Variants in NCAPG2 observed in about 807,000 individuals in gnomAD.
NCAPG2 encodes condensin-2 complex subunit G2.
Under a neutral mutation model 141.1 loss-of-function variants are expected in NCAPG2, and 53 were observed. The observed-to-expected ratio is 0.38, with a 90% CI of 0.30 to 0.47. NCAPG2 has a LOEUF of 0.47. Ranked by LOEUF, NCAPG2 falls within the 20% of genes least tolerant of loss-of-function variation. NCAPG2 has a pLI of 0.99. For synonymous variants in NCAPG2, 499 were observed against 490.7 expected (o/e 1.02, Z -0.22); for missense variants, 1,087 against 1,389.0 (o/e 0.78, Z 3.46).
At chr7:158,643,555 C>T (rs1240195858) in intron 27 of NCAPG2, among the ~76,000 whole-genome samples, 6 of 152,246 alleles carry the variant, frequency 3.9e-5, no homozygotes, top group Admixed American at 6.5e-5. Flanking sequence ...TAAAAAGCCA[C>T]GCTTTGGAAG....
intron 8 of NCAPG2, among the ~76,000 whole-genome samples, 180 bp downstream of exon 8, chr7:158,685,992 C>T (rs1407741797): frequency 6.6e-6 from 1 of 152,188 alleles, no homozygotes; most frequent in Non-Finnish European, 1.5e-5. Context: ...CACAGTCCTA[C>T]CTCCCACAAA....
intron 21 of NCAPG2, 80 bp downstream of exon 21, chr7:158,655,038 C>A: frequency 1.4e-6 from 2 of 1,454,464 alleles, no homozygotes; most frequent in Non-Finnish European, 9.2e-7. Context: ...CTAAAATTAC[C>A]ACTCTAAAGT....
intron 5 of NCAPG2, among the ~76,000 whole-genome samples, chr7:158,690,167 T>C (rs1455016804): frequency 6.6e-6 from 1 of 152,166 alleles, no homozygotes; most frequent in Non-Finnish European, 1.5e-5. Context: ...TAATTAAAAA[T>C]CCAGCAAGTT....
chr7:158,646,753 C>T (rs374684883), intron 24 of NCAPG2, among the ~76,000 whole-genome samples, 190 bp from the exon 25 acceptor site: 2 of 152,110 alleles, frequency 1.3e-5, no homozygotes, highest in East Asian at 1.9e-4. Flanking sequence ...GTGTGTTGGG[C>T]GTGGTGGTTC....
chr7:158,704,097 A>G (rs1835990805), intron 1 of NCAPG2, among the ~76,000 whole-genome samples: 1 of 145,580 alleles, frequency 6.9e-6, no homozygotes, highest in Non-Finnish European at 1.5e-5. Context: ...CTCTGAGGGT[A>G]GTGCCCATGC....
At chr7:158,642,681 A>C (rs1189172796) in intron 27 of NCAPG2, among the ~76,000 whole-genome samples, 1 of 152,200 alleles carries the variant, frequency 6.6e-6, no homozygotes, top group Non-Finnish European at 1.5e-5. Flanking sequence ...AAAATCTAAA[A>C]TCAATCATCT....
chr7:158,701,553 T>C (rs1311920236), intron 2 of NCAPG2, among the ~76,000 whole-genome samples: 1 of 152,224 alleles, frequency 6.6e-6, no homozygotes, highest in Non-Finnish European at 1.5e-5. Flanking sequence ...AAACCTTCTC[T>C]AGTCTTCAGA....
intron 12 of NCAPG2, among the ~76,000 whole-genome samples, chr7:158,673,801 C>T (rs1014231689): frequency 1.3e-5 from 2 of 152,182 alleles, no homozygotes; most frequent in Admixed American, 6.5e-5. Context: ...TCAGCCAGCA[C>T]TTGAAGAGTA....
rs945928092 is a variant in NCAPG2 at position 158,660,401 on chromosome 7, C to CTTTTTTTTTTTTTTTTTTTTTTTTTT, written c.1989+1767_1989+1792dup. Among the ~76,000 whole-genome samples, 20 of 72,810 alleles carry CTTTTTTTTTTTTTTTTTTTTTTTTTT rather than the reference C, an allele frequency of 2.7e-4. 1 individual carries two copies. Among genetic ancestry groups the CTTTTTTTTTTTTTTTTTTTTTTTTTT allele is most frequent in the East Asian group, 6.6e-4 (1 of 1,524 alleles). 47.8% of individuals were successfully genotyped at this position (72,810 alleles called of 152,430 possible). A position where few individuals can be genotyped will look rare whatever the true frequency, so the allele number is the denominator to read the frequency against. ...AGTCCCAGGTCATTATTTCAGCTTTCTTTTTTTTTTTTTTTTTTTTTTTTT... is the reference window on the plus strand; with the variant it reads ...AGTCCCAGGTCATTATTTCAGCTTTCTTTTTTTTTTTTTTTTTTTTTTTTTTTTTTTTTTTTTTTTTTTTTTTTTTT... On this transcript the variant is annotated intron_variant, in intron 16 of 27. Coordinates refer to ENST00000356309, the MANE Select transcript of NCAPG2 (RefSeq NM_017760.7).
At chr7:158,665,350 C>T (rs1219322071) in intron 13 of NCAPG2, 1 of 152,502 alleles carries the variant, frequency 6.6e-6, no homozygotes, top group Admixed American at 6.5e-5. Flanking sequence ...TGATAGCGTC[C>T]CTCTTCTCAA....
At chr7:158,675,359 C>G in intron 12 of NCAPG2, 118 bp downstream of exon 12, 2 of 1,143,940 alleles carry the variant, frequency 1.7e-6, no homozygotes, top group Non-Finnish European at 2.4e-6. Context: ...TATGACAGGT[C>G]AAAAATGTTA....
chr7:158,640,404 T>C (rs2129456522), intron 27 of NCAPG2: 1 of 152,258 alleles, frequency 6.6e-6, no homozygotes, highest in South Asian at 2.1e-4. Flanking sequence ...GTGGCGGCGA[T>C]GTGCCTGTAT....
chr7:158,690,178 T>C (rs6459895), intron 5 of NCAPG2, among the ~76,000 whole-genome samples: 137,851 of 152,274 alleles, frequency 0.91, 62,463 homozygotes, highest in East Asian at 0.96. Context: ...CCAGCAAGTT[T>C]AAGAACTTCC....
intron 13 of NCAPG2, 73 bp from the exon 14 acceptor site, chr7:158,664,823 T>C: frequency 7.6e-7 from 1 of 1,318,730 alleles, no homozygotes; most frequent in Non-Finnish European, 1.0e-6. Flanking sequence ...TTAAGAAAAA[T>C]TTCAAGCACA....
chr7:158,640,554 A>G (rs1040988042), intron 27 of NCAPG2: 8 of 152,204 alleles, frequency 5.3e-5, no homozygotes, highest in African/African-American at 1.9e-4. Flanking sequence ...ATAATAAATT[A>G]AATAAAGTAC....
intron 13 of NCAPG2, chr7:158,668,454 G>A: frequency 1.0e-6 from 1 of 976,314 alleles, no homozygotes; most frequent in Non-Finnish European, 1.2e-6. Context: ...TAAAATAATG[G>A]TAGAGTGGTT....
intron 12 of NCAPG2, among the ~76,000 whole-genome samples, chr7:158,672,292 GTATATATATATATATATATA>G (rs1563549335): frequency 1.1e-4 from 3 of 27,228 alleles, no homozygotes; most frequent in Non-Finnish European, 1.9e-4. Context: ...GTGTGTGTGT[GTATATATATATATATATATA>G]TATATATATA....
At chr7:158,645,697 T>G in intron 25 of NCAPG2, 78 bp from the exon 26 acceptor site, 2 of 1,340,700 alleles carry the variant, frequency 1.5e-6, no homozygotes, top group South Asian at 1.2e-5. Flanking sequence ...ACAGCCAAGG[T>G]TCAACCACAA....
intron 6 of NCAPG2, among the ~76,000 whole-genome samples, chr7:158,688,703 G>C (rs543610139): frequency 2.3e-4 from 35 of 152,278 alleles, no homozygotes; most frequent in African/African-American, 8.2e-4. Context: ...CTATTTTACA[G>C]AACAAAACTC....
Sources: gnomAD v4.1 joint callset for allele counts (sites outside exome capture counted in the v4.1 genomes callset) on GRCh38, gnomAD v4.1.1 for gene constraint, MANE v1.5 for transcripts, NCBI Gene and HGNC (gene_info 2026-07-23, HGNC 2026-07-21) for gene names.